Variants in IGSF10 observed in about 807,000 individuals in gnomAD.
IGSF10 encodes immunoglobulin superfamily member 10.
A neutral mutation model predicts 128.2 loss-of-function variants in IGSF10; 126 were observed. The ratio of observed to expected loss-of-function variants is 0.98; its 90% CI spans 0.85 to 1.14. The LOEUF (loss-of-function observed/expected upper bound fraction) is 1.14, where lower values mean the gene tolerates loss of function less well. Among genes scored for constraint, IGSF10 ranks in the 50% most tolerant of loss-of-function variants. The pLI is 0.00. For missense variants in IGSF10, 3,295 were observed against 3,149.8 expected, an observed-to-expected ratio of 1.05 and a Z score of -1.10; for synonymous variants, 1,185 against 1,146.2, an observed-to-expected ratio of 1.03 and a Z score of -0.68.
At chr3:151,548,552 T>C in the IGSF10 span, among the ~76,000 whole-genome samples, 1 of 152,222 alleles carries the variant, frequency 6.6e-6, no homozygotes, top group Non-Finnish European at 1.5e-5. Context: ...TGGAACAGTA[T>C]GTGACTTTTA....
the IGSF10 span, among the ~76,000 whole-genome samples, chr3:151,515,835 T>C: frequency 6.6e-6 from 1 of 151,632 alleles, no homozygotes; most frequent in Admixed American, 6.6e-5. Context: ...GGGAAGACAA[T>C]CAAAACTTCA....
At chr3:151,488,139 T>C in the IGSF10 span, among the ~76,000 whole-genome samples, 1 of 152,110 alleles carries the variant, frequency 6.6e-6, no homozygotes, top group Non-Finnish European at 1.5e-5. Flanking sequence ...AGTCCCAGGA[T>C]ACAAAATCAA....
At chr3:151,573,215 G>A in the IGSF10 span, among the ~76,000 whole-genome samples, 1 of 152,152 alleles carries the variant, frequency 6.6e-6, no homozygotes, top group Non-Finnish European at 1.5e-5. Flanking sequence ...GTTGATTTGG[G>A]GTGGAGAGAT....
the IGSF10 span, among the ~76,000 whole-genome samples, chr3:151,608,893 C>T: frequency 6.6e-6 from 1 of 152,154 alleles, no homozygotes; most frequent in Non-Finnish European, 1.5e-5. Flanking sequence ...ATCACTGATT[C>T]AAAATTTGGC....
the IGSF10 span, among the ~76,000 whole-genome samples, chr3:151,615,964 G>GTTTTTTT: frequency 7.6e-6 from 1 of 132,356 alleles, no homozygotes; most frequent in Non-Finnish European, 1.6e-5. Context: ...GTTTTTTGAG[G>GTTTTTTT]TTTTTTTTTT....
At chr3:151,502,147 G>T in the IGSF10 span, among the ~76,000 whole-genome samples, 1 of 152,018 alleles carries the variant, frequency 6.6e-6, no homozygotes, top group Admixed American at 6.6e-5. Flanking sequence ...CGTTTCTACG[G>T]AACCAAGTGT....
chr3:151,582,024 C>G, the IGSF10 span, among the ~76,000 whole-genome samples: 773 of 152,188 alleles, frequency 5.1e-3, 4 homozygotes, highest in African/African-American at 0.017. Context: ...CTACATCACA[C>G]CACTGCACTC....
the IGSF10 span, among the ~76,000 whole-genome samples, chr3:151,553,924 G>C: frequency 1.5e-4 from 22 of 151,478 alleles, no homozygotes; most frequent in East Asian, 2.7e-3. Context: ...GATCAGCTTG[G>C]GTAACAAGCT....
the IGSF10 span, among the ~76,000 whole-genome samples, chr3:151,577,644 C>T: frequency 1.3e-5 from 2 of 151,822 alleles, no homozygotes; most frequent in Non-Finnish European, 1.5e-5. Flanking sequence ...ACTCCTAAAC[C>T]AACACCAATA....
In IGSF10 at chr3:151,447,769, TAA is replaced by T. The variant is rs780500419; in HGVS notation, c.2210_2211del (p.Phe737Ter). 1,157 of 1,614,168 alleles carry T rather than the reference TAA, an allele frequency of 7.2e-4. 1 individual carries two copies. The highest frequency in any genetic ancestry group is 8.2e-4 in the Admixed American group (49 of 60,018). On this transcript the variant is annotated frameshift_variant, in exon 6 of 8. Coordinates refer to ENST00000282466, the MANE Select transcript of IGSF10 (RefSeq NM_178822.5). LOFTEE classifies it high-confidence loss of function. Reference protein sequence around the residue: ...QRRGDSTHRRFRENRRHFPPS... With the variant: ...QRRGDSTHRRXRENRRHFPPS... ...GGAGGGAAATGCCTCCTATTCTCCCTAAAACGTCGATGTGTTGAATCTCCACG... is the reference window on the plus strand; with the variant it reads ...GGAGGGAAATGCCTCCTATTCTCCCTAACGTCGATGTGTTGAATCTCCACG...
chr3:151,446,282 C>G lies in IGSF10; in HGVS notation c.3699G>C (p.Val1233=). The G allele has an allele frequency of 1.9e-6, 3 of 1,614,064 alleles. No individual in the cohort carries two copies. Among genetic ancestry groups the G allele is most frequent in the Non-Finnish European group, 2.5e-6 (3 of 1,179,900 alleles). ...AAGCAGGAGATGTTTTAGGAAGCAT[C>G]ACAGCTGTGCTTTTTTGTAAACTAA... ...HKVSLQKSTA[V]MLPKTSPALP... is the part of the protein sequence containing the mutation. The change falls in exon 6 of 8, where the codon GTG becomes GTC. Residue 1233 remains valine (V), a synonymous_variant. Transcript: ENST00000282466.
chr3:151,436,488 GTTTGT>G lies in IGSF10; in HGVS notation c.*196_*200del, dbSNP rs1297925427. The G allele has an allele frequency of 2.0e-5, 9 of 450,020 alleles. No homozygotes were observed. Among genetic ancestry groups the G allele is most frequent in the East Asian group, 3.5e-5 (1 of 28,406 alleles). 27.9% of individuals were successfully genotyped at this position (450,020 alleles called of 1,614,324 possible). ...AAAATAAAAGTGCCTTAAGTTAAAA[GTTTGT>G]TTTGAGATCCATTAAATAAATCAGT... On this transcript the variant is annotated 3_prime_UTR_variant, in exon 8 of 8. Transcript: ENST00000282466.
chr3:151,450,622 C>G (rs935666046), intron 5 of IGSF10, among the ~76,000 whole-genome samples: 2 of 152,036 alleles, frequency 1.3e-5, no homozygotes, highest in Non-Finnish European at 2.9e-5. Context: ...CCTGGCTGGC[C>G]GCAATCGCTC....
chr3:151,568,752 T>C, the IGSF10 span, among the ~76,000 whole-genome samples: 1 of 152,318 alleles, frequency 6.6e-6, no homozygotes, highest in East Asian at 1.9e-4. Flanking sequence ...CTGGATTGTC[T>C]CTTTTCTGGT....
At chr3:151,534,777 C>G in the IGSF10 span, among the ~76,000 whole-genome samples, 15 of 148,896 alleles carry the variant, frequency 1.0e-4, no homozygotes, top group African/African-American at 3.5e-4. Context: ...ACGTTCTGCC[C>G]ATGTACCCCA....
Position 151,437,633 on chromosome 3 carries a change from C to A in IGSF10, c.6928G>T (p.Asp2310Tyr), listed in dbSNP as rs777297326. Reference sequence around the variant, plus strand: ...TCATTTCGGGCCACACAGATAAAGTCGGCTGAATCTGAAAGCCTCACATTC... The same window carrying A: ...TCATTTCGGGCCACACAGATAAAGTAGGCTGAATCTGAAAGCCTCACATTC... ...IRNVRLSDSA[D>Y]FICVARNEGG... The change falls in exon 8 of 8, where the codon GAC becomes TAC. Residue 2310 changes from aspartate to tyrosine, a missense_variant. By Grantham distance (160) the Asp-to-Tyr change is radical (BLOSUM62 -3). Transcript: ENST00000282466. The A allele has an allele frequency of 1.2e-6, 2 of 1,614,172 alleles. No individual in the cohort carries two copies. The highest frequency in any genetic ancestry group is 2.2e-5 in the East Asian group (1 of 44,884).
chr3:151,574,353 C>T, the IGSF10 span, among the ~76,000 whole-genome samples: 1 of 152,206 alleles, frequency 6.6e-6, no homozygotes, highest in African/African-American at 2.4e-5. Flanking sequence ...TTCAGGTACA[C>T]CAATCAAACG....
At chr3:151,456,066 A>G (rs765068366) in intron 4 of IGSF10, among the ~76,000 whole-genome samples, 6 of 152,244 alleles carry the variant, frequency 3.9e-5, no homozygotes, top group Non-Finnish European at 8.8e-5. Context: ...CTCAACAGCC[A>G]TTGAAAATTT....
At chr3:151,460,467 A>G (rs975202460) in intron 1 of IGSF10, 120 bp from the exon 2 acceptor site, 3 of 159,112 alleles carry the variant, frequency 1.9e-5, no homozygotes, top group Non-Finnish European at 2.7e-5. Flanking sequence ...TCAAAGTTCT[A>G]TAACTCATAA....
Sources: gnomAD v4.1 joint callset for allele counts (sites outside exome capture counted in the v4.1 genomes callset) on GRCh38, gnomAD v4.1.1 for gene constraint, MANE v1.5 for transcripts, NCBI Gene and HGNC (gene_info 2026-07-23, HGNC 2026-07-21) for gene names.